ZCCHC4: variants seen among roughly 807,000 people sequenced by gnomAD.
The protein encoded by ZCCHC4 is zinc finger CCHC-type containing 4, also known as rRNA N(6)-adenosine-methyltransferase ZCCHC4.
ZCCHC4 carries 54 observed loss-of-function variants against 67.7 expected under a neutral mutation model. That is an observed-to-expected ratio of 0.80 (90% CI 0.64 to 1.00). ZCCHC4 has a LOEUF of 1.00. Among genes scored for constraint, ZCCHC4 ranks in the 50% least tolerant of loss-of-function variants. ZCCHC4 has a pLI of 0.00. For missense variants in ZCCHC4, 609 were observed against 617.0 expected (o/e 0.99, Z 0.14); for synonymous variants, 198 against 213.5 (o/e 0.93, Z 0.63).
At chr4:25,317,509 C>G (rs918836991) in intron 3 of ZCCHC4, among the ~76,000 whole-genome samples, 1 of 151,720 alleles carries the variant, frequency 6.6e-6, no homozygotes, top group Non-Finnish European at 1.5e-5. Context: ...GTCAGGAGTT[C>G]GAGACCAGCC....
chr4:25,319,371 C>T (rs534684670), intron 3 of ZCCHC4, among the ~76,000 whole-genome samples: 3 of 150,034 alleles, frequency 2.0e-5, no homozygotes, highest in South Asian at 4.2e-4. Flanking sequence ...GGCGAGAGAG[C>T]GAGACTCCGT....
chr4:25,340,317 G>T (rs990546349), intron 5 of ZCCHC4, among the ~76,000 whole-genome samples: 1 of 152,064 alleles, frequency 6.6e-6, no homozygotes, highest in African/African-American at 2.4e-5. Context: ...CAAATATATA[G>T]GTTTATTTAT....
chr4:25,318,292 T>C (rs1485825438), intron 3 of ZCCHC4, among the ~76,000 whole-genome samples: 1 of 150,102 alleles, frequency 6.7e-6, no homozygotes, highest in Non-Finnish European at 1.5e-5. Context: ...TTTTTATGCA[T>C]AGTAAAATTT....
intron 8 of ZCCHC4, among the ~76,000 whole-genome samples, chr4:25,356,303 G>A (rs1256268264): frequency 6.6e-6 from 1 of 152,098 alleles, no homozygotes; most frequent in Non-Finnish European, 1.5e-5. Context: ...GCAAAATTGT[G>A]TTTGCTTTAC....
intron 3 of ZCCHC4, among the ~76,000 whole-genome samples, chr4:25,332,555 G>A (rs1719238356): frequency 1.3e-5 from 2 of 152,038 alleles, no homozygotes; most frequent in Non-Finnish European, 2.9e-5. Context: ...AAAGAAAAAA[G>A]AAATGGTGAC....
chr4:25,367,072 A>G (rs1315937081), intron 12 of ZCCHC4, among the ~76,000 whole-genome samples: 1 of 152,212 alleles, frequency 6.6e-6, no homozygotes, highest in East Asian at 1.9e-4. Context: ...TCTTTACAAT[A>G]GTGAAAAATA....
At chr4:25,364,658 G>T (rs1720874421) in intron 11 of ZCCHC4, among the ~76,000 whole-genome samples, 153 bp downstream of exon 11, 1 of 152,176 alleles carries the variant, frequency 6.6e-6, no homozygotes, top group East Asian at 1.9e-4. Context: ...TTATCAGCAT[G>T]TATGTTCTGC....
At chr4:25,358,832 G>T (rs1236422656) in intron 8 of ZCCHC4, among the ~76,000 whole-genome samples, 1 of 152,232 alleles carries the variant, frequency 6.6e-6, no homozygotes, top group East Asian at 1.9e-4. Flanking sequence ...TGCTAACGCT[G>T]TACATATGGC....
intron 8 of ZCCHC4, among the ~76,000 whole-genome samples, chr4:25,354,893 C>A (rs188011687): frequency 5.6e-5 from 8 of 143,306 alleles, no homozygotes; most frequent in African/African-American, 2.1e-4. Flanking sequence ...TTCCCATAGA[C>A]CTTGATTAGG....
At chr4:25,368,205 A>C (rs1007882388) in intron 12 of ZCCHC4, among the ~76,000 whole-genome samples, 1 of 152,190 alleles carries the variant, frequency 6.6e-6, no homozygotes, top group African/African-American at 2.4e-5. Context: ...TGAACCTAAC[A>C]ATTGATATTG....
intron 8 of ZCCHC4, among the ~76,000 whole-genome samples, chr4:25,353,170 T>C (rs1045781490): frequency 6.6e-6 from 1 of 152,244 alleles, no homozygotes; most frequent in Non-Finnish European, 1.5e-5. Context: ...GTTTTTACCT[T>C]TTAAGGTAAT....
intron 8 of ZCCHC4, among the ~76,000 whole-genome samples, chr4:25,354,909 T>A (rs1035828391): frequency 1.4e-5 from 2 of 145,456 alleles, no homozygotes; most frequent in African/African-American, 5.3e-5. Flanking sequence ...TTAGGCCTTT[T>A]TTTTTTTTTT....
intron 4 of ZCCHC4, 48 bp from the exon 5 acceptor site, chr4:25,333,860 A>G (rs2109065307): frequency 7.8e-7 from 1 of 1,281,852 alleles, no homozygotes; most frequent in African/African-American, 1.5e-5. Flanking sequence ...TTTATTGTCT[A>G]TGACATTTGT....
chr4:25,322,720 A>G (rs1718648839), intron 3 of ZCCHC4, among the ~76,000 whole-genome samples: 3 of 151,884 alleles, frequency 2.0e-5, no homozygotes, highest in South Asian at 2.1e-4. Context: ...GTTTTGCCAT[A>G]TTGGTCAGGC....
chr4:25,354,031 A>G lies in ZCCHC4; in HGVS notation c.1011+2342A>G, dbSNP rs535330161. On this transcript the variant is annotated intron_variant, in intron 8 of 12. Coordinates refer to ENST00000302874, the MANE Select transcript of ZCCHC4 (RefSeq NM_024936.3). The stretch of plus-strand genomic sequence containing the variant: ...CATTTTAATTCATTCATTCCTTTTA[A>G]TGGCAAAAACCGCAATTACTTTTGC... Among the ~76,000 whole-genome samples the G allele has an allele frequency of 5.3e-5, 8 of 152,322 alleles. No individual in the cohort carries two copies. In the South Asian group the frequency reaches 8.3e-4, roughly 16 times the overall value.
intron 5 of ZCCHC4, among the ~76,000 whole-genome samples, chr4:25,343,260 C>A (rs1229817760): frequency 6.6e-6 from 1 of 151,950 alleles, no homozygotes; most frequent in Non-Finnish European, 1.5e-5. Context: ...TTATCTAAAC[C>A]TTTTATTTCT....
At chr4:25,335,080 CA>C (rs1719383935) in intron 5 of ZCCHC4, among the ~76,000 whole-genome samples, 1 of 152,016 alleles carries the variant, frequency 6.6e-6, no homozygotes, top group Non-Finnish European at 1.5e-5. Context: ...CTTGGCCTCC[CA>C]AATTGTTGGG....
At chr4:25,334,114 G>A (rs1660330980) in intron 5 of ZCCHC4, 126 bp downstream of exon 5, 3 of 546,342 alleles carry the variant, frequency 5.5e-6, no homozygotes, top group African/African-American at 3.9e-5. Flanking sequence ...AATTTGTTAT[G>A]AGGAAACTTT....
chr4:25,362,041 A>C, intron 9 of ZCCHC4, 61 bp downstream of exon 9: 1 of 1,561,328 alleles, frequency 6.4e-7, no homozygotes, highest in Non-Finnish European at 8.7e-7. Context: ...ACATATATCC[A>C]TCAGTCAAAT....
Sources: allele counts gnomAD v4.1 joint callset (sites outside exome capture counted in the v4.1 genomes callset), GRCh38; gene constraint gnomAD v4.1.1; transcripts MANE v1.5; gene names NCBI Gene and HGNC (gene_info 2026-07-23, HGNC 2026-07-21).